The following ANO2 variants were observed in gnomAD, a reference collection of about 807,000 sequenced individuals.
The protein encoded by ANO2 is anoctamin-2.
In ANO2, 101 loss-of-function variants were observed where a neutral mutation model predicts 124.2. The observed-to-expected ratio is 0.81, with a 90% confidence interval of 0.69 to 0.96. The LOEUF is 0.96. Ranked by LOEUF, ANO2 falls within the 40% of genes least tolerant of loss-of-function variation. ANO2 has a pLI of 0.00. For synonymous variants in ANO2, 486 were observed against 482.5 expected (o/e 1.01, Z -0.09); for missense variants, 1,293 against 1,274.5 (o/e 1.01, Z -0.22).
Position 5,832,456 on chromosome 12 carries a change from A to T in ANO2, c.781T>A (p.Tyr261Asn). 1 of 1,613,978 alleles carries T rather than the reference A, an allele frequency of 6.2e-7. No homozygotes were observed. Among genetic ancestry groups the T allele is most frequent in the Non-Finnish European group, 8.5e-7 (1 of 1,179,864 alleles). Reference protein sequence around the residue: ...LSYPFSREKMYLYNIQEKDTF... With the variant: ...LSYPFSREKMNLYNIQEKDTF... ...TCCAGCAGCTTCAATACTCACAGGTACATCTTCTCCCTGGAGAATGGGTAG... is the reference window on the plus strand; with the variant it reads ...TCCAGCAGCTTCAATACTCACAGGTTCATCTTCTCCCTGGAGAATGGGTAG... Residue 261 changes from tyrosine to asparagine, a missense_variant, in exon 5 of 25, where the codon TAC becomes AAC. Coordinates refer to ENST00000682330, the MANE Select transcript of ANO2 (RefSeq NM_001364791.2).
At chr12:5,578,579 G>T in intron 20 of ANO2, 61 bp from the exon 21 acceptor site, 1 of 1,540,514 alleles carries the variant, frequency 6.5e-7, no homozygotes, top group Non-Finnish European at 8.8e-7. Flanking sequence ...GTCCCTTCTG[G>T]CTTGCAGCTA....
chr12:5,588,075 C>A (rs779481323), intron 20 of ANO2, among the ~76,000 whole-genome samples: 1 of 151,766 alleles, frequency 6.6e-6, no homozygotes, highest in South Asian at 2.1e-4. Context: ...AGAGCTGGGC[C>A]GGGGATCACC....
chr12:5,841,983 C>T (rs1307959143), intron 4 of ANO2, among the ~76,000 whole-genome samples: 2 of 152,192 alleles, frequency 1.3e-5, no homozygotes, highest in Non-Finnish European at 2.9e-5. Flanking sequence ...GATTTTCCCA[C>T]CTCGGCCTCC....
chr12:5,873,676 C>T (rs1354485697), intron 3 of ANO2, among the ~76,000 whole-genome samples: 1 of 152,366 alleles, frequency 6.6e-6, no homozygotes, highest in East Asian at 1.9e-4. Flanking sequence ...TGAGGTGTTT[C>T]TGTCAATCAC....
intron 4 of ANO2, among the ~76,000 whole-genome samples, chr12:5,841,602 C>A (rs940822190): frequency 1.3e-5 from 2 of 152,238 alleles, no homozygotes; most frequent in Non-Finnish European, 2.9e-5. Flanking sequence ...GCCCCTCTCT[C>A]TGAGCTGCTC....
At chr12:5,688,811 T>C (rs1432635025) in intron 14 of ANO2, among the ~76,000 whole-genome samples, 1 of 27,422 alleles carries the variant, frequency 3.6e-5, no homozygotes. Context: ...GGGAGTATCC[T>C]TTTTTTTTTT....
intron 15 of ANO2, among the ~76,000 whole-genome samples, chr12:5,644,526 T>C (rs1323236053): frequency 6.6e-6 from 1 of 152,252 alleles, no homozygotes; most frequent in Non-Finnish European, 1.5e-5. Context: ...ATTATTGTTC[T>C]ATTTATTGTC....
At position 5,878,895 on chromosome 12, in the gene ANO2, C is replaced by T. The variant is rs140667937; in HGVS notation, c.535-24754G>A. ...CATAGGAGATGGAGCAGGGAACAAA[C>T]GCATACCTTATAACATTTTATCCTC... On this transcript the variant is annotated intron_variant, in intron 3 of 24. Transcript: ENST00000682330. 5.9e-5 allele frequency among the ~76,000 whole-genome samples: 9 copies of T among 152,304 alleles called. No homozygotes were observed. The East Asian group carries it at 1.5e-3, about 26-fold the overall frequency.
chr12:5,632,684 C>T (rs552179171), intron 16 of ANO2, among the ~76,000 whole-genome samples: 1 of 152,200 alleles, frequency 6.6e-6, no homozygotes, highest in African/African-American at 2.4e-5. Context: ...AGTTAAGGCC[C>T]CGCCTTGCAT....
At chr12:5,630,690 A>T (rs1371795240) in intron 16 of ANO2, among the ~76,000 whole-genome samples, 1 of 152,208 alleles carries the variant, frequency 6.6e-6, no homozygotes, top group African/African-American at 2.4e-5. Flanking sequence ...TTTCACCAAT[A>T]ACTGCATTGA....
chr12:5,739,044 CCT>C, intron 13 of ANO2: 1 of 591,072 alleles, frequency 1.7e-6, no homozygotes, highest in Admixed American at 2.2e-5. Flanking sequence ...TCTTCTGCCA[CCT>C]CTTTCCCCAG....
intron 22 of ANO2, among the ~76,000 whole-genome samples, chr12:5,577,382 A>C (rs895584057): frequency 5.3e-5 from 8 of 152,244 alleles, no homozygotes; most frequent in African/African-American, 1.9e-4. Flanking sequence ...TAGAGAATAC[A>C]GCAGAAAAGG....
intron 14 of ANO2, among the ~76,000 whole-genome samples, chr12:5,676,107 C>T (rs768507782): frequency 1.3e-4 from 20 of 152,228 alleles, no homozygotes; most frequent in Non-Finnish European, 2.8e-4. Context: ...TGCTGACCTT[C>T]CCAGTCACAG....
chr12:5,832,641 A>G (rs1954193151), intron 4 of ANO2, 38 bp from the exon 5 acceptor site: 9 of 1,580,910 alleles, frequency 5.7e-6, no homozygotes, highest in Non-Finnish European at 7.7e-6. Flanking sequence ...AAAGGGGGCC[A>G]CTTCCAGCAG....
In ANO2 at chr12:5,750,936, C is replaced by A; in HGVS notation, c.1090G>T (p.Ala364Ser). 6.2e-7 allele frequency: 1 copy of A among 1,607,344 alleles called. No homozygotes were observed. The highest frequency in any genetic ancestry group is 8.5e-7 in the Non-Finnish European group (1 of 1,176,662). ...AATGATGTATATAATCCCAGCCAGG[C>A]AAAATACAGTCCAATTTTTTCTCCA... The part of the protein sequence containing the change: ...YFGEKIGLYF[A>S]WLGLYTSFLI... Residue 364 changes from alanine (A) to serine (S), a missense_variant, in exon 11 of 25, where the codon GCC becomes TCC. Physicochemically the swap from Ala to Ser is moderately conservative, Grantham distance 99. Coordinates refer to ENST00000682330, the MANE Select transcript of ANO2 (RefSeq NM_001364791.2).
At chr12:5,655,611 A>C (rs764842836) in intron 14 of ANO2, among the ~76,000 whole-genome samples, 7 of 152,240 alleles carry the variant, frequency 4.6e-5, no homozygotes, top group African/African-American at 1.7e-4. Flanking sequence ...ACCATTTTTA[A>C]ATTGTTGGCA....
chr12:5,568,113 A>G (rs1219027589), intron 23 of ANO2, among the ~76,000 whole-genome samples: 2 of 146,860 alleles, frequency 1.4e-5, no homozygotes, highest in East Asian at 3.9e-4. Flanking sequence ...ATTCTACTCT[A>G]TCTGATCCTA....
chr12:5,621,319 G>A (rs980203032), intron 16 of ANO2, among the ~76,000 whole-genome samples: 3 of 152,122 alleles, frequency 2.0e-5, no homozygotes, highest in African/African-American at 7.2e-5. Context: ...AAATGTGTTT[G>A]GAAGAATGAA....
intron 7 of ANO2, among the ~76,000 whole-genome samples, chr12:5,822,791 T>C (rs1953845940): frequency 1.3e-5 from 2 of 152,184 alleles, no homozygotes; most frequent in Admixed American, 1.3e-4. Context: ...TTCACACTGC[T>C]GATAAAGATA....
Sources: allele counts gnomAD v4.1 joint callset (sites outside exome capture counted in the v4.1 genomes callset), GRCh38; gene constraint gnomAD v4.1.1; transcripts MANE v1.5; gene names NCBI Gene and HGNC (gene_info 2026-07-23, HGNC 2026-07-21).